The following REV1 variants were observed in gnomAD, a reference collection of about 807,000 sequenced individuals.
REV1 encodes the protein translesion synthesis protein REV1.
REV1 carries 42 observed loss-of-function variants against 137.4 expected under a neutral mutation model. The observed-to-expected ratio is 0.31, with a 90% CI of 0.24 to 0.40. The LOEUF (loss-of-function observed/expected upper bound fraction) is 0.40, where lower values mean the gene tolerates loss of function less well. Ranked by LOEUF, REV1 falls within the 10% of genes least tolerant of loss-of-function variation. The pLI, the probability that REV1 is intolerant of heterozygous loss-of-function variation, is 1.00. For missense variants in REV1, 1,282 were observed against 1,490.1 expected (o/e 0.86, Z 2.30); for synonymous variants, 524 against 519.2 (o/e 1.01, Z -0.12).
At position 99,406,493 on chromosome 2, in the gene REV1, A is replaced by G. The variant is rs1676315543; in HGVS notation, c.2449-3T>C. 1 of 1,592,246 alleles carries G rather than the reference A, an allele frequency of 6.3e-7. No individual in the cohort carries two copies. Among genetic ancestry groups the G allele is most frequent in the Non-Finnish European group, 8.6e-7 (1 of 1,168,502 alleles). On this transcript the variant is annotated splice_polypyrimidine_tract_variant and splice_region_variant and intron_variant, in intron 15 of 22. Transcript: ENST00000258428. ...AACTGATTCACGTGAATCCCAACCT[A>G]GAACCCAGAATAAAGAGTATGCTTC...
intron 1 of REV1, among the ~76,000 whole-genome samples, chr2:99,466,587 G>A (rs1575197980): frequency 2.6e-5 from 4 of 152,158 alleles, no homozygotes; most frequent in Non-Finnish European, 5.9e-5. Context: ...TATACTGCAG[G>A]ATTTGGTTTT....
intron 4 of REV1, among the ~76,000 whole-genome samples, chr2:99,446,517 G>A (rs952385393): frequency 2.0e-5 from 3 of 151,910 alleles, no homozygotes; most frequent in African/African-American, 7.3e-5. Flanking sequence ...TTTTTTTTGA[G>A]ACAGTCTCGC....
intron 2 of REV1, among the ~76,000 whole-genome samples, chr2:99,464,071 A>C (rs1417054630): frequency 1.3e-5 from 2 of 152,232 alleles, no homozygotes; most frequent in Non-Finnish European, 1.5e-5. Flanking sequence ...CCAGTGGCTA[A>C]ATTCTGGATC....
rs760949368 is a variant in REV1, at chr2:99,421,652, A to G, written c.1678T>C (p.Tyr560His). The G allele has an allele frequency of 6.2e-7, 1 of 1,613,462 alleles. No homozygotes were observed. Among genetic ancestry groups the G allele is most frequent in the Admixed American group, 1.7e-5 (1 of 59,886 alleles). Residue 560 changes from tyrosine (Y) to histidine (H), a missense_variant and splice_region_variant, in exon 11 of 23, where the codon TAC becomes CAC. Physicochemically the swap from Tyr to His is moderately conservative, Grantham distance 83 (BLOSUM62 2). Transcript: ENST00000258428. ...CTGACAGCTTCAATGTTATGAGTGT[A>G]GCTATCAACACAGAGCAAAGGCAAC... ...AQTLYETLAS[Y>H]THNIEAVSCD...
chr2:99,466,995 C>A (rs1684882993), intron 1 of REV1, among the ~76,000 whole-genome samples: 1 of 152,174 alleles, frequency 6.6e-6, no homozygotes, highest in Non-Finnish European at 1.5e-5. Context: ...CATACACCTG[C>A]TGGAACAAGT....
Position 99,424,137 on chromosome 2 carries a change from T to C in REV1, c.1676+15A>G. On this transcript the variant is annotated intron_variant, in intron 10 of 22. Transcript: ENST00000258428. ...GGAAAACACAGACACAAAATGACAG[T>C]TTGATACACTGTACCTTGCCAATGT... 1 of 1,611,210 alleles carries C rather than the reference T, an allele frequency of 6.2e-7. No individual in the cohort carries two copies. Among genetic ancestry groups the C allele is most frequent in the Middle Eastern group, 1.7e-4 (1 of 6,038 alleles).
intron 3 of REV1, among the ~76,000 whole-genome samples, chr2:99,460,428 T>C (rs1294093736): frequency 1.3e-5 from 2 of 152,240 alleles, no homozygotes; most frequent in Non-Finnish European, 2.9e-5. Flanking sequence ...TCTGCACCTT[T>C]GGTGCTTACA....
At chr2:99,485,237 T>C (rs1394416428) in intron 1 of REV1, among the ~76,000 whole-genome samples, 1 of 152,248 alleles carries the variant, frequency 6.6e-6, no homozygotes, top group Admixed American at 6.5e-5. Flanking sequence ...TGAGAATAAT[T>C]CAAGTTGTAT....
At chr2:99,407,413 G>A (rs573344599) in intron 15 of REV1, among the ~76,000 whole-genome samples, 1 of 151,720 alleles carries the variant, frequency 6.6e-6, no homozygotes, top group Non-Finnish European at 1.5e-5. Context: ...TTAGCTGGGC[G>A]TGGTAGCGGG....
intron 12 of REV1, 47 bp from the exon 13 acceptor site, chr2:99,412,998 C>A (rs1243726320): frequency 7.4e-7 from 1 of 1,342,862 alleles, no homozygotes; most frequent in Non-Finnish European, 1.1e-6. Flanking sequence ...CTACTAATAA[C>A]AAGTTTATTA....
chr2:99,462,679 T>A (rs937929483), intron 2 of REV1, 57 bp from the exon 3 acceptor site: 3 of 1,559,434 alleles, frequency 1.9e-6, no homozygotes, highest in African/African-American at 2.8e-5. Context: ...CCCCCCTTTT[T>A]TGAAAAAAAA....
intron 17 of REV1, 37 bp downstream of exon 17, chr2:99,405,873 A>G (rs1273472410): frequency 1.5e-6 from 2 of 1,332,490 alleles, no homozygotes; most frequent in South Asian, 3.5e-5. Flanking sequence ...ATTTAGGAGT[A>G]TAAAATGTAC....
intron 3 of REV1, among the ~76,000 whole-genome samples, chr2:99,458,981 G>A (rs1559383981): frequency 6.6e-6 from 1 of 152,186 alleles, no homozygotes; most frequent in East Asian, 1.9e-4. Context: ...GGCCAAGGTG[G>A]GCAGATCACG....
intron 4 of REV1, among the ~76,000 whole-genome samples, chr2:99,446,104 GA>G (rs2104909074): frequency 6.6e-6 from 1 of 152,232 alleles, no homozygotes; most frequent in East Asian, 1.9e-4. Context: ...TGACATAATG[GA>G]CTCCTGGCAT....
At chr2:99,427,365 C>T (rs1444571034) in intron 9 of REV1, among the ~76,000 whole-genome samples, 1 of 152,204 alleles carries the variant, frequency 6.6e-6, no homozygotes, top group Admixed American at 6.5e-5. Flanking sequence ...CATGTACAAT[C>T]TACCTTCTCA....
chr2:99,454,583 A>ACCCC (rs1683323191), intron 3 of REV1, among the ~76,000 whole-genome samples: 1 of 145,596 alleles, frequency 6.9e-6, no homozygotes, highest in African/African-American at 2.5e-5. Context: ...AAAAAAAAAA[A>ACCCC]AAAAAAAACC....
At chr2:99,443,567 T>C (rs1187959865) in intron 4 of REV1, among the ~76,000 whole-genome samples, 1 of 152,200 alleles carries the variant, frequency 6.6e-6, no homozygotes, top group Admixed American at 6.5e-5. Flanking sequence ...ATACAGAGTA[T>C]GTCCTTTATA....
intron 13 of REV1, among the ~76,000 whole-genome samples, chr2:99,411,739 T>C (rs1329887576): frequency 6.6e-6 from 1 of 151,352 alleles, no homozygotes; most frequent in East Asian, 1.9e-4. Context: ...CATCACTGAC[T>C]TGTCGAAAAT....
chr2:99,451,542 C>A lies in REV1; in HGVS notation c.182-2038G>T, dbSNP rs995457873. 1.9e-5 allele frequency: 24 copies of A among 1,240,080 alleles called. No homozygotes were observed. In the Admixed American group the frequency reaches 5.3e-4, roughly 27 times the overall value. 76.8% of individuals were successfully genotyped at this position (1,240,080 alleles called of 1,614,324 possible). ...GATCACATAAACTATGGAATAAGAC[C>A]GATCTGAGTTTAATCTTAGCTTTCA... On this transcript the variant is annotated intron_variant, in intron 3 of 22. Coordinates refer to ENST00000258428, the MANE Select transcript of REV1 (RefSeq NM_016316.4).
Sources: gnomAD v4.1 joint callset for allele counts (sites outside exome capture counted in the v4.1 genomes callset) on GRCh38, gnomAD v4.1.1 for gene constraint, MANE v1.5 for transcripts, NCBI Gene and HGNC (gene_info 2026-07-23, HGNC 2026-07-21) for gene names.